The following ANKS1B variants were observed in gnomAD, a reference collection of about 807,000 sequenced individuals.
ANKS1B encodes ankyrin repeat and sterile alpha motif domain-containing protein 1B.
In ANKS1B, 36 loss-of-function variants were observed where a neutral mutation model predicts 148.3. That is an observed-to-expected ratio of 0.24 (90% CI 0.19 to 0.32). The LOEUF is 0.32. Ranked by LOEUF, ANKS1B falls within the 10% of genes least tolerant of loss-of-function variation. The probability of loss-of-function intolerance (pLI) is 1.00; values close to 1 mark genes in which losing one functional copy is unlikely to be tolerated. For synonymous variants in ANKS1B, 542 were observed against 560.8 expected (o/e 0.97, Z 0.47); for missense variants, 1,157 against 1,542.6 (o/e 0.75, Z 4.19).
At chr12:99,225,712 T>G (rs969293758) in intron 14 of ANKS1B, among the ~76,000 whole-genome samples, 2 of 152,382 alleles carry the variant, frequency 1.3e-5, no homozygotes, top group Admixed American at 1.3e-4. Context: ...TCTTCAGCTT[T>G]GGACTCTTGG....
At chr12:99,252,074 T>G (rs1030274728) in intron 12 of ANKS1B, among the ~76,000 whole-genome samples, 1 of 152,166 alleles carries the variant, frequency 6.6e-6, no homozygotes. Flanking sequence ...GAAAGGAAGA[T>G]GCTATAAGGC....
chr12:99,957,768 C>T (rs1474686083), intron 1 of ANKS1B, among the ~76,000 whole-genome samples: 1 of 152,190 alleles, frequency 6.6e-6, no homozygotes, highest in Non-Finnish European at 1.5e-5. Flanking sequence ...GCATTGCTAA[C>T]CAAGACTACC....
chr12:99,809,741 G>C, intron 3 of ANKS1B, among the ~76,000 whole-genome samples: 1 of 151,968 alleles, frequency 6.6e-6, no homozygotes, highest in East Asian at 1.9e-4. Context: ...ATGTAGAATA[G>C]AATTATTTTT....
chr12:99,322,761 A>T (rs1490612982), intron 12 of ANKS1B, among the ~76,000 whole-genome samples: 1 of 152,188 alleles, frequency 6.6e-6, no homozygotes, highest in Non-Finnish European at 1.5e-5. Flanking sequence ...CTCATCTTGA[A>T]TTGTAGCTCC....
chr12:99,710,996 C>T (rs2153536155), intron 8 of ANKS1B, among the ~76,000 whole-genome samples: 1 of 152,164 alleles, frequency 6.6e-6, no homozygotes, highest in Admixed American at 6.5e-5. Flanking sequence ...CCAGGAATCA[C>T]CAAAGACCCT....
chr12:99,723,161 C>T (rs1258086269), intron 8 of ANKS1B, among the ~76,000 whole-genome samples: 1 of 152,202 alleles, frequency 6.6e-6, no homozygotes, highest in African/African-American at 2.4e-5. Context: ...ACTAGCACCA[C>T]AGTTGCGGCT....
intron 3 of ANKS1B, among the ~76,000 whole-genome samples, chr12:99,810,526 A>C (rs2068218522): frequency 6.6e-6 from 1 of 151,954 alleles, no homozygotes; most frequent in South Asian, 2.1e-4. Context: ...ATAACAATGA[A>C]AAAATACTAA....
intron 1 of ANKS1B, among the ~76,000 whole-genome samples, chr12:99,879,841 A>G (rs1425958911): frequency 6.6e-6 from 1 of 152,184 alleles, no homozygotes; most frequent in East Asian, 1.9e-4. Context: ...TTAAAACTTG[A>G]AGACATTGAT....
chr12:99,974,408 G>A (rs1028542475), intron 1 of ANKS1B, among the ~76,000 whole-genome samples: 14 of 152,050 alleles, frequency 9.2e-5, no homozygotes, highest in South Asian at 4.1e-4. Flanking sequence ...AAGTAATAAC[G>A]TCTGATATAG....
At chr12:99,874,531 A>G (rs1324018590) in intron 1 of ANKS1B, among the ~76,000 whole-genome samples, 1 of 152,206 alleles carries the variant, frequency 6.6e-6, no homozygotes, top group Non-Finnish European at 1.5e-5. Flanking sequence ...AAATACTCTC[A>G]GCTCCATACT....
rs10603901 is a variant in ANKS1B, at chr12:99,890,570, G to GGTGTGT, written c.135-65187_135-65182dup. Among the ~76,000 whole-genome samples the GGTGTGT allele has an allele frequency of 4.8e-3, 660 of 138,010 alleles. 3 individuals are homozygous for GGTGTGT. Among genetic ancestry groups the GGTGTGT allele is most frequent in the African/African-American group, 7.9e-3 (286 of 36,320 alleles). 90.5% of individuals were successfully genotyped at this position (138,010 alleles called of 152,430 possible). The stretch of plus-strand genomic sequence containing the variant: ...AAGTCTCTTTCTCACTCGCATTCAT[G>GGTGTGT]GTGTGTGTGTGTGTGTGTGTGTGTG... On this transcript the variant is annotated intron_variant, in intron 1 of 26. Coordinates refer to ENST00000683438, the MANE Select transcript of ANKS1B (RefSeq NM_001352186.2).
intron 17 of ANKS1B, among the ~76,000 whole-genome samples, chr12:99,046,179 T>C (rs751814358): frequency 6.6e-6 from 1 of 152,170 alleles, no homozygotes; most frequent in African/African-American, 2.4e-5. Flanking sequence ...ATACTCTGCC[T>C]TGCCTAACCT....
At chr12:99,731,199 A>G (rs1600854347) in intron 8 of ANKS1B, among the ~76,000 whole-genome samples, 1 of 152,014 alleles carries the variant, frequency 6.6e-6, no homozygotes, top group African/African-American at 2.4e-5. Context: ...GCTCACCGCA[A>G]CCTCCGCCTC....
At chr12:99,044,690 C>T (rs531045372) in intron 17 of ANKS1B, among the ~76,000 whole-genome samples, 44 of 152,184 alleles carry the variant, frequency 2.9e-4, no homozygotes, top group Non-Finnish European at 5.3e-4. Flanking sequence ...CCCAGCGTAA[C>T]TCTGGGGGAG....
At chr12:99,403,152 CTTTTTTTTTT>C (rs143800860) in intron 11 of ANKS1B, among the ~76,000 whole-genome samples, 2 of 73,150 alleles carry the variant, frequency 2.7e-5, no homozygotes, top group Non-Finnish European at 5.1e-5. Flanking sequence ...ACTTTTCTTT[CTTTTTTTTTT>C]TTTTTTTTTT....
chr12:98,772,404 C>T (rs532506861), intron 25 of ANKS1B, among the ~76,000 whole-genome samples: 11 of 152,230 alleles, frequency 7.2e-5, no homozygotes, highest in East Asian at 5.8e-4. Context: ...TCAGTTCTCA[C>T]GCTGCTAATA....
At chr12:99,766,261 A>T (rs1237551396) in intron 8 of ANKS1B, among the ~76,000 whole-genome samples, 1 of 152,136 alleles carries the variant, frequency 6.6e-6, no homozygotes, top group East Asian at 1.9e-4. Flanking sequence ...TCTAATAATG[A>T]ACCTACTGTC....
chr12:99,198,833 G>A (rs1396017575), intron 14 of ANKS1B, among the ~76,000 whole-genome samples: 2 of 152,108 alleles, frequency 1.3e-5, no homozygotes, highest in Admixed American at 6.6e-5. Flanking sequence ...TCCCAATACT[G>A]AATAGGTCTA....
chr12:99,865,367 G>A (rs764716762), intron 1 of ANKS1B, among the ~76,000 whole-genome samples: 2 of 152,076 alleles, frequency 1.3e-5, no homozygotes, highest in Non-Finnish European at 2.9e-5. Flanking sequence ...GTAACTGCCC[G>A]TAATCCAAGT....
Sources: allele counts gnomAD v4.1 joint callset (sites outside exome capture counted in the v4.1 genomes callset), GRCh38; gene constraint gnomAD v4.1.1; transcripts MANE v1.5; gene names NCBI Gene and HGNC (gene_info 2026-07-23, HGNC 2026-07-21).